AEBP2: variants seen among roughly 807,000 people sequenced by gnomAD.
AEBP2 encodes zinc finger protein AEBP2.
In AEBP2, 10 loss-of-function variants were observed where a neutral mutation model predicts 50.8. The observed-to-expected ratio is 0.20, with a 90% CI of 0.12 to 0.33. The LOEUF (loss-of-function observed/expected upper bound fraction) is 0.33, where lower values mean the gene tolerates loss of function less well. AEBP2 is among the 10% of genes least tolerant of loss of function. The pLI is 1.00. For missense variants in AEBP2, 570 were observed against 688.0 expected (o/e 0.83, Z 1.92); for synonymous variants, 296 against 261.3 (o/e 1.13, Z -1.28).
intron 5 of AEBP2, chr12:19,508,990 A>G: frequency 1.9e-6 from 1 of 534,938 alleles, no homozygotes; most frequent in Non-Finnish European, 3.6e-6. Flanking sequence ...TTGGTAATAG[A>G]GTTGTTTACC....
At chr12:19,408,250 A>C (rs1027764467) in intron 1 of AEBP2, among the ~76,000 whole-genome samples, 5 of 152,040 alleles carry the variant, frequency 3.3e-5, no homozygotes. Context: ...GGCAGTTGGG[A>C]GGCAGAAGTA....
intron 2 of AEBP2, among the ~76,000 whole-genome samples, chr12:19,467,515 A>T (rs1948498708): frequency 6.6e-6 from 1 of 151,930 alleles, no homozygotes; most frequent in East Asian, 2.0e-4. Context: ...CCTAGTCTCG[A>T]ACACCTGACC....
chr12:19,504,381 C>A (rs1592777403), intron 5 of AEBP2, among the ~76,000 whole-genome samples: 1 of 22,096 alleles, frequency 4.5e-5, no homozygotes, highest in African/African-American at 1.2e-4. Context: ...AATACAGGCG[C>A]CCCCCCCACC....
intron 2 of AEBP2, among the ~76,000 whole-genome samples, chr12:19,468,174 A>G (rs1186361590): frequency 1.2e-5 from 1 of 85,688 alleles, no homozygotes; most frequent in East Asian, 2.9e-4. Context: ...TTTTAATGAG[A>G]CAGTCTTACT....
chr12:19,492,291 A>G (rs756175084), intron 3 of AEBP2, among the ~76,000 whole-genome samples: 3 of 152,164 alleles, frequency 2.0e-5, no homozygotes, highest in Non-Finnish European at 4.4e-5. Flanking sequence ...TTTTTCCCCC[A>G]AGATATAATT....
intron 1 of AEBP2, among the ~76,000 whole-genome samples, chr12:19,423,454 A>G (rs1189582650): frequency 1.3e-5 from 2 of 152,148 alleles, no homozygotes; most frequent in East Asian, 3.8e-4. Context: ...CCTCAAGCTT[A>G]CATGAGCAGA....
intron 1 of AEBP2, among the ~76,000 whole-genome samples, chr12:19,419,374 G>A (rs1284910155): frequency 1.3e-5 from 2 of 152,070 alleles, no homozygotes; most frequent in Non-Finnish European, 2.9e-5. Flanking sequence ...CGGATCACGA[G>A]GTCAGGAAAT....
intron 1 of AEBP2, among the ~76,000 whole-genome samples, chr12:19,451,226 T>G (rs1271000571): frequency 1.3e-5 from 2 of 152,164 alleles, no homozygotes; most frequent in South Asian, 2.1e-4. Context: ...TTCTGCAGGG[T>G]CAGCTCATTT....
intron 3 of AEBP2, among the ~76,000 whole-genome samples, chr12:19,482,686 A>G (rs1430110725): frequency 6.6e-6 from 1 of 152,174 alleles, no homozygotes; most frequent in Non-Finnish European, 1.5e-5. Flanking sequence ...AGGGGCAGGT[A>G]GAGAAATACC....
At chr12:19,411,043 G>GGT (rs1449564890) in intron 1 of AEBP2, among the ~76,000 whole-genome samples, 1 of 151,634 alleles carries the variant, frequency 6.6e-6, no homozygotes, top group Non-Finnish European at 1.5e-5. Context: ...GCTGTGAGGC[G>GGT]GTCACGGCAA....
intron 2 of AEBP2, among the ~76,000 whole-genome samples, chr12:19,472,107 G>A (rs1189581645): frequency 6.6e-6 from 1 of 152,074 alleles, no homozygotes; most frequent in Non-Finnish European, 1.5e-5. Context: ...AGATGGTATT[G>A]TTTTTGAGTA....
chr12:19,470,829 C>T (rs369232788), intron 2 of AEBP2, among the ~76,000 whole-genome samples: 1 of 151,958 alleles, frequency 6.6e-6, no homozygotes, highest in African/African-American at 2.4e-5. Context: ...CAGAGTAGGG[C>T]GGGGGGGTCA....
At chr12:19,511,270 T>G (rs1949228201) in intron 5 of AEBP2, among the ~76,000 whole-genome samples, 2 of 152,210 alleles carry the variant, frequency 1.3e-5, no homozygotes, top group Admixed American at 1.3e-4. Context: ...ATATGATAAC[T>G]GTTCTTCTGT....
intron 2 of AEBP2, among the ~76,000 whole-genome samples, chr12:19,467,214 C>CT (rs59718824): frequency 0.37 from 56,116 of 150,994 alleles, 13,044 homozygotes; most frequent in Non-Finnish European, 0.53. Flanking sequence ...ACCAATACAC[C>CT]TTTTTTTTTA....
At chr12:19,465,979 A>G (rs912895250) in intron 2 of AEBP2, among the ~76,000 whole-genome samples, 10 of 151,338 alleles carry the variant, frequency 6.6e-5, no homozygotes, top group African/African-American at 2.2e-4. Context: ...TTTAGTATAG[A>G]TGGGATTTCA....
At chr12:19,459,657 C>G (rs1354610518) in intron 1 of AEBP2, among the ~76,000 whole-genome samples, 2 of 152,290 alleles carry the variant, frequency 1.3e-5, no homozygotes, top group East Asian at 1.9e-4. Flanking sequence ...AGAGCTGATT[C>G]ACATTTGAGA....
intron 5 of AEBP2, chr12:19,509,090 G>A: frequency 1.8e-6 from 1 of 562,256 alleles, no homozygotes; most frequent in Non-Finnish European, 3.3e-6. Flanking sequence ...GAGACCTAAA[G>A]TTCTTAATGA....
chr12:19,508,897 A>G, intron 5 of AEBP2: 1 of 293,212 alleles, frequency 3.4e-6, no homozygotes. Flanking sequence ...GTCTGCAGGC[A>G]CTCAGAATGG....
At chr12:19,440,607 C>T (rs1354979684) in intron 1 of AEBP2, 5 of 1,478,726 alleles carry the variant, frequency 3.4e-6, no homozygotes, top group Admixed American at 2.1e-5. Context: ...CCCTCTTTCC[C>T]CTCGGCGCTT....
Sources: gnomAD v4.1 joint callset for allele counts (sites outside exome capture counted in the v4.1 genomes callset) on GRCh38, gnomAD v4.1.1 for gene constraint, MANE v1.5 for transcripts, NCBI Gene and HGNC (gene_info 2026-07-23, HGNC 2026-07-21) for gene names.